Variants in CDC37 observed in about 807,000 individuals in gnomAD.
CDC37 encodes cell division cycle 37, HSP90 cochaperone.
A neutral mutation model predicts 46.9 loss-of-function variants in CDC37; 9 were observed. The ratio of observed to expected loss-of-function variants is 0.19; its 90% CI spans 0.12 to 0.33. The LOEUF (loss-of-function observed/expected upper bound fraction) is 0.33, where lower values mean the gene tolerates loss of function less well. Ranked by LOEUF, CDC37 falls within the 10% of genes least tolerant of loss-of-function variation. CDC37 has a pLI of 1.00. For missense variants in CDC37, 388 were observed against 514.6 expected (o/e 0.75, Z 2.38); for synonymous variants, 193 against 191.0 (o/e 1.01, Z -0.09).
chr19:10,397,143 G>A (rs760713653), intron 1 of CDC37, among the ~76,000 whole-genome samples: 44 of 152,110 alleles, frequency 2.9e-4, no homozygotes, highest in Non-Finnish European at 5.3e-4. Flanking sequence ...CCCCTCCAAT[G>A]AATGAAGCCC....
intron 2 of CDC37, 24 bp downstream of exon 2, chr19:10,395,904 G>GGGGGGCCC: frequency 6.5e-7 from 1 of 1,541,890 alleles, no homozygotes; most frequent in South Asian, 1.1e-5. Flanking sequence ...CATGCGCACT[G>GGGGGGCCC]CCCGCCCCGC....
Position 10,393,502 on chromosome 19 carries a change from C to T in CDC37, c.727-61G>A. 6.0e-6 allele frequency: 9 copies of T among 1,502,192 alleles called. No individual in the cohort carries two copies. The highest frequency in any genetic ancestry group is 8.0e-6 in the Non-Finnish European group (9 of 1,118,776). 93.1% of individuals were successfully genotyped at this position (1,502,192 alleles called of 1,614,324 possible). A position where few individuals can be genotyped will look rare whatever the true frequency, so the allele number is the denominator to read the frequency against. ...CAACGCTCAGGAGGGACTGGGGGGC[C>T]CAGGACCCTCCAGCCACAGCTCCTC... On this transcript the variant is annotated intron_variant, in intron 5 of 7. Coordinates refer to ENST00000222005, the MANE Select transcript of CDC37 (RefSeq NM_007065.4). This position sits in a 1 kb window ranked among gnomAD's most constrained non-coding sequence, Gnocchi z 4.9.
chr19:10,395,013 G>C lies in CDC37; in HGVS notation c.726+8C>G. ...GCCTCCAGCCACCTGGCAGCTCAGG[G>C]ACCCTACCTTAATCTTAGTGAAGAA... On this transcript the variant is annotated splice_region_variant and intron_variant, in intron 5 of 7. Coordinates refer to ENST00000222005, the MANE Select transcript of CDC37 (RefSeq NM_007065.4). 8 of 1,516,420 alleles carry C rather than the reference G, an allele frequency of 5.3e-6. No homozygotes were observed. Among genetic ancestry groups the C allele is most frequent in the Middle Eastern group, 2.2e-4 (1 of 4,578 alleles). 93.9% of individuals were successfully genotyped at this position (1,516,420 alleles called of 1,614,324 possible).
rs998562132 is a variant in CDC37, at chr19:10,395,944, T to C, written c.362A>G (p.Lys121Arg). ...CCCGCACACCTTGCTGAAGCCGTCT[T>C]TGCTGAGCGTGTCCACGTTCCAGGG... ...SMPWNVDTLS[K>R]DGFSKSMVNT... is the part of the protein sequence containing the mutation. The change falls in exon 2 of 8, where the codon AAA becomes AGA. Residue 121 changes from lysine to arginine, a missense_variant. By Grantham distance (26) the Lys-to-Arg change is conservative. Coordinates refer to ENST00000222005, the MANE Select transcript of CDC37 (RefSeq NM_007065.4). 1 of 1,407,208 alleles carries C rather than the reference T, an allele frequency of 7.1e-7. No homozygotes were observed. Among genetic ancestry groups the C allele is most frequent in the Non-Finnish European group, 9.6e-7 (1 of 1,036,410 alleles). The allele number at this position is 1,407,208 out of a possible 1,614,324, so 87.2% of individuals were successfully genotyped here. A position where few individuals can be genotyped will look rare whatever the true frequency, so the allele number is the denominator to read the frequency against.
At position 10,400,068 on chromosome 19, in the gene CDC37, T is replaced by C. The variant is rs76525253; in HGVS notation, c.102+3310A>G. Among the ~76,000 whole-genome samples the C allele has an allele frequency of 5.1e-3, 778 of 151,506 alleles. 14 individuals are homozygous for C. Among genetic ancestry groups the C allele is most frequent in the East Asian group, 0.032 (164 of 5,124 alleles). Reference sequence around the variant, plus strand: ...GCTGCCACCAGTCTCCCCTGTGTCCTCTGAACAACTGCCAGGGAGGCCGCA... The same window carrying C: ...GCTGCCACCAGTCTCCCCTGTGTCCCCTGAACAACTGCCAGGGAGGCCGCA... On this transcript the variant is annotated intron_variant, in intron 1 of 7. Coordinates refer to ENST00000222005, the MANE Select transcript of CDC37 (RefSeq NM_007065.4).
At chr19:10,395,904 G>GGGCCCCCCC in intron 2 of CDC37, 24 bp downstream of exon 2, 158 of 1,541,850 alleles carry the variant, frequency 1.0e-4, no homozygotes, top group Non-Finnish European at 1.3e-4. Context: ...CATGCGCACT[G>GGGCCCCCCC]CCCGCCCCGC....
chr19:10,401,143 C>G (rs1019128292), intron 1 of CDC37, among the ~76,000 whole-genome samples: 11 of 152,318 alleles, frequency 7.2e-5, no homozygotes, highest in Non-Finnish European at 1.2e-4. Flanking sequence ...CCAAGTTTTC[C>G]TGACCCAGTC....
chr19:10,395,904 G>GGGCGCCCC, intron 2 of CDC37, 24 bp downstream of exon 2: 4 of 1,541,892 alleles, frequency 2.6e-6, no homozygotes, highest in Non-Finnish European at 3.5e-6. Flanking sequence ...CATGCGCACT[G>GGGCGCCCC]CCCGCCCCGC....
rs373270944 is a variant in CDC37 at position 10,393,300 on chromosome 19, C to T, written c.868G>A (p.Gly290Ser). The T allele has an allele frequency of 4.3e-6, 7 of 1,613,458 alleles. No homozygotes were observed. The highest frequency in any genetic ancestry group is 1.6e-4 in the Middle Eastern group (1 of 6,062). ...TAGACCTCGACGGGGTCCAGGCCGC[C>T]GGGGCCGAGCCGCTTCTTGCGCTCC... ...EEERKKRLGP[G>S]GLDPVEVYES... Residue 290 changes from glycine to serine, a missense_variant, in exon 6 of 8, where the codon GGC (glycine) becomes AGC (serine). Physicochemically the swap from Gly to Ser is moderately conservative, Grantham distance 56. Around this residue, in one of 2 missense-constraint regions of CDC37, gnomAD observed 374 missense variants for 467.4 expected, o/e 0.80. Coordinates refer to ENST00000222005, the MANE Select transcript of CDC37 (RefSeq NM_007065.4). This position sits in a 1 kb window ranked among gnomAD's most constrained non-coding sequence, Gnocchi z 4.9.
At position 10,393,066 on chromosome 19, in the gene CDC37, G is replaced by A; in HGVS notation, c.981+20C>T. The A allele has an allele frequency of 1.2e-6, 2 of 1,609,266 alleles. No homozygotes were observed. The highest frequency in any genetic ancestry group is 1.7e-6 in the Non-Finnish European group (2 of 1,175,630). On this transcript the variant is annotated intron_variant, in intron 7 of 7. Coordinates refer to ENST00000222005, the MANE Select transcript of CDC37 (RefSeq NM_007065.4). The surrounding 1 kb of genome is among the most constrained non-coding windows in gnomAD (Gnocchi z 4.9). Reference sequence around the variant, plus strand: ...GACACACGGCCCGCCGGGAAGGCATGGGGCGCGGGGGTTACTCACGGTGGG... The same window carrying A: ...GACACACGGCCCGCCGGGAAGGCATAGGGCGCGGGGGTTACTCACGGTGGG...
At chr19:10,391,727 G>C in intron 7 of CDC37, 21 bp from the exon 8 acceptor site, 5 of 1,607,224 alleles carry the variant, frequency 3.1e-6, no homozygotes, top group Non-Finnish European at 3.4e-6. Context: ...AAGGCAGGCA[G>C]ATGAGGTGGG....
intron 7 of CDC37, 23 bp from the exon 8 acceptor site, chr19:10,391,729 T>G: frequency 6.2e-7 from 1 of 1,606,886 alleles, no homozygotes; most frequent in Non-Finnish European, 8.5e-7. Flanking sequence ...GGCAGGCAGA[T>G]GAGGTGGGGC....
intron 7 of CDC37, among the ~76,000 whole-genome samples, chr19:10,392,269 T>C (rs937421394): frequency 1.3e-5 from 2 of 152,186 alleles, no homozygotes; most frequent in Non-Finnish European, 2.9e-5. Flanking sequence ...AGATCGGTTG[T>C]AGATGATAGG....
chr19:10,401,248 C>T (rs2145421127), intron 1 of CDC37, among the ~76,000 whole-genome samples: 1 of 152,288 alleles, frequency 6.6e-6, no homozygotes, highest in South Asian at 2.1e-4. Flanking sequence ...CTTGCCACAT[C>T]AAAGAAAGAA....
Position 10,395,955 on chromosome 19 carries a change from G to A in CDC37, c.351C>T (p.Asp117=). 7 of 1,613,004 alleles carry A rather than the reference G, an allele frequency of 4.3e-6. No individual in the cohort carries two copies. The highest frequency in any genetic ancestry group is 5.9e-6 in the Non-Finnish European group (7 of 1,179,640). The stretch of plus-strand genomic sequence containing the variant: ...TGCTGAAGCCGTCTTTGCTGAGCGT[G>A]TCCACGTTCCAGGGCATGCTCTTCT... ...KKEKSMPWNV[D]TLSKDGFSKS... is the part of the protein sequence containing the mutation. Residue 117 remains aspartate (D), a synonymous_variant, in exon 2 of 8, where the codon GAC becomes GAT. Transcript: ENST00000222005.
At chr19:10,399,926 C>T (rs866067731) in intron 1 of CDC37, among the ~76,000 whole-genome samples, 2 of 79,086 alleles carry the variant, frequency 2.5e-5, no homozygotes, top group Non-Finnish European at 5.1e-5. Flanking sequence ...AGTGAGACTC[C>T]GTCTTAAAAA....
chr19:10,397,427 T>C (rs1193925890), intron 1 of CDC37, among the ~76,000 whole-genome samples: 1 of 148,456 alleles, frequency 6.7e-6, no homozygotes, highest in Non-Finnish European at 1.5e-5. Context: ...TTTTTTTTTT[T>C]TTTTTTTTTT....
In CDC37 at chr19:10,398,113, G is replaced by A. The variant is rs933162016; in HGVS notation, c.103-1910C>T. On this transcript the variant is annotated intron_variant, in intron 1 of 7. Coordinates refer to ENST00000222005, the MANE Select transcript of CDC37 (RefSeq NM_007065.4). The surrounding 1 kb of genome is among the most constrained non-coding windows in gnomAD (Gnocchi z 4.2). ...GCTGACCCTCTCCAATCCAGGCACAGCTGCCACCAGGGAGGCCTGTGAAGC... is the reference window on the plus strand; with the variant it reads ...GCTGACCCTCTCCAATCCAGGCACAACTGCCACCAGGGAGGCCTGTGAAGC... Among the ~76,000 whole-genome samples the A allele has an allele frequency of 1.3e-5, 2 of 152,178 alleles. No individual in the cohort carries two copies. Among genetic ancestry groups the A allele is most frequent in the African/African-American group, 2.4e-5 (1 of 41,430 alleles).
intron 1 of CDC37, 29 bp downstream of exon 1, chr19:10,403,349 G>A: frequency 6.4e-7 from 1 of 1,565,006 alleles, no homozygotes; most frequent in Non-Finnish European, 8.8e-7. Flanking sequence ...GTCCGGGAGT[G>A]GGGAAAGGGA....
Sources: gnomAD v4.1 joint callset for allele counts (sites outside exome capture counted in the v4.1 genomes callset) on GRCh38, gnomAD v4.1.1 for gene constraint, gnomAD v4.1.1 regional missense constraint, Gnocchi (gnomAD v3.1) non-coding constraint, MANE v1.5 for transcripts, NCBI Gene and HGNC (gene_info 2026-07-23, HGNC 2026-07-21) for gene names.